COMMD10: variants seen among roughly 807,000 people sequenced by gnomAD.
The protein encoded by COMMD10 is COMM domain-containing protein 10.
In COMMD10, 33 loss-of-function variants were observed where a neutral mutation model predicts 28.9. That is an observed-to-expected ratio of 1.14 (90% CI 0.87 to 1.53). The LOEUF (loss-of-function observed/expected upper bound fraction) is 1.53, where lower values mean the gene tolerates loss of function less well. COMMD10 is among the 40% of genes most tolerant of loss of function. The pLI, the probability that COMMD10 is intolerant of heterozygous loss-of-function variation, is 0.00. For missense variants in COMMD10, 310 were observed against 233.4 expected, an observed-to-expected ratio of 1.33 and a Z score of -2.14; for synonymous variants, 110 against 81.7, an observed-to-expected ratio of 1.35 and a Z score of -1.87.
At chr5:116,201,709 C>G (rs1198519294) in intron 5 of COMMD10, among the ~76,000 whole-genome samples, 1 of 152,082 alleles carries the variant, frequency 6.6e-6, no homozygotes, top group Non-Finnish European at 1.5e-5. Context: ...CTTAATGTCA[C>G]AGACTGACAT....
At chr5:116,203,594 T>G (rs1292202461) in intron 5 of COMMD10, among the ~76,000 whole-genome samples, 1 of 151,940 alleles carries the variant, frequency 6.6e-6, no homozygotes, top group Non-Finnish European at 1.5e-5. Context: ...TTCAACATTC[T>G]TAAAGAAAAG....
At chr5:116,178,743 A>G (rs1192204531) in intron 5 of COMMD10, among the ~76,000 whole-genome samples, 1 of 152,092 alleles carries the variant, frequency 6.6e-6, no homozygotes, top group East Asian at 1.9e-4. Context: ...TAGCAGCATT[A>G]AGGAAAGTTG....
At chr5:116,125,625 G>A (rs1236096986) in intron 4 of COMMD10, among the ~76,000 whole-genome samples, 1 of 152,100 alleles carries the variant, frequency 6.6e-6, no homozygotes, top group South Asian at 2.1e-4. Context: ...AGTTCTCCTG[G>A]ATAATATCCT....
At chr5:116,156,416 A>G (rs1285957821) in intron 5 of COMMD10, among the ~76,000 whole-genome samples, 1 of 152,166 alleles carries the variant, frequency 6.6e-6, no homozygotes, top group Non-Finnish European at 1.5e-5. Context: ...AAAAGCATCT[A>G]TTACAGTACA....
At position 116,205,578 on chromosome 5, in the gene COMMD10, A is replaced by G. The variant is rs34688204; in HGVS notation, c.510+71400A>G. Among the ~76,000 whole-genome samples, 600 of 152,270 alleles carry G rather than the reference A, an allele frequency of 3.9e-3. 3 individuals carry two copies. Among genetic ancestry groups the G allele is most frequent in the Non-Finnish European group, 7.0e-3 (473 of 68,012 alleles). The stretch of plus-strand genomic sequence containing the variant: ...TATGTATATATACATGTGTGAATAC[A>G]TATATGGCTATAGATCTGTGTGTAT... On this transcript the variant is annotated intron_variant, in intron 5 of 6. Transcript: ENST00000274458.
At chr5:116,133,993 G>C (rs1051585069) in intron 4 of COMMD10, 75 bp from the exon 5 acceptor site, 12 of 862,896 alleles carry the variant, frequency 1.4e-5, no homozygotes, top group Non-Finnish European at 2.4e-5. Flanking sequence ...TTCCTGCTGA[G>C]TGGAGATTTG....
intron 5 of COMMD10, among the ~76,000 whole-genome samples, chr5:116,201,262 T>C (rs576352770): frequency 6.6e-6 from 1 of 152,306 alleles, no homozygotes; most frequent in South Asian, 2.1e-4. Flanking sequence ...ATTTTAAAAA[T>C]GGCGTGTCCT....
intron 5 of COMMD10, chr5:116,218,153 T>A: frequency 9.6e-7 from 1 of 1,041,990 alleles, no homozygotes; most frequent in Non-Finnish European, 1.5e-6. Context: ...CTTCTCTCCC[T>A]TCTTTGCAGG....
intron 5 of COMMD10, among the ~76,000 whole-genome samples, chr5:116,189,391 G>A (rs868508942): frequency 2.0e-5 from 3 of 152,166 alleles, no homozygotes; most frequent in Admixed American, 2.0e-4. Flanking sequence ...TGGTGGTGGT[G>A]CCACATTCTC....
At chr5:116,186,198 C>T (rs753334477) in intron 5 of COMMD10, among the ~76,000 whole-genome samples, 1 of 152,134 alleles carries the variant, frequency 6.6e-6, no homozygotes, top group Admixed American at 6.6e-5. Flanking sequence ...CTCTGTTTCT[C>T]ACCCCGCAGT....
Position 116,158,034 on chromosome 5 carries a change from C to T in COMMD10, c.510+23856C>T, listed in dbSNP as rs573405233. 2.6e-5 allele frequency among the ~76,000 whole-genome samples: 4 copies of T among 151,586 alleles called. No individual in the cohort carries two copies. The East Asian group carries it at 7.9e-4, about 30-fold the overall frequency. ...AAGTCTGTGTTACCTTTTGGGCTGC[C>T]ATTTCTTCTAGATCCTGGCCTGTAA... On this transcript the variant is annotated intron_variant, in intron 5 of 6. Transcript: ENST00000274458.
Position 116,236,470 on chromosome 5 carries a change from C to T in COMMD10, c.511-55047C>T, listed in dbSNP as rs371508644. On this transcript the variant is annotated intron_variant, in intron 5 of 6. Coordinates refer to ENST00000274458, the MANE Select transcript of COMMD10 (RefSeq NM_016144.4). ...GGTGTGCCGAGATCACACTACTGCA[C>T]TCTAGCCTGGGTGACAAGAGCAAGA... is the stretch of plus-strand genomic sequence containing the variant. Among the ~76,000 whole-genome samples, 343 of 143,300 alleles carry T rather than the reference C, an allele frequency of 2.4e-3. 2 individuals carry two copies. Among genetic ancestry groups the T allele is most frequent in the African/African-American group, 9.0e-3 (335 of 37,382 alleles). The allele number at this position is 143,300 out of a possible 152,430, so 94.0% of individuals were successfully genotyped here.
chr5:116,104,904 C>T (rs1005367550), intron 4 of COMMD10, among the ~76,000 whole-genome samples: 12 of 152,216 alleles, frequency 7.9e-5, no homozygotes, highest in African/African-American at 2.9e-4. Flanking sequence ...CAGGCGTGAG[C>T]CACCGCACCC....
At chr5:116,147,209 A>G (rs1015404710) in intron 5 of COMMD10, among the ~76,000 whole-genome samples, 7 of 151,892 alleles carry the variant, frequency 4.6e-5, no homozygotes, top group Non-Finnish European at 8.8e-5. Flanking sequence ...GGAACAGTCA[A>G]TTTTAGTTAC....
intron 5 of COMMD10, among the ~76,000 whole-genome samples, chr5:116,140,530 C>T (rs1257193612): frequency 6.6e-6 from 1 of 151,804 alleles, no homozygotes; most frequent in Non-Finnish European, 1.5e-5. Flanking sequence ...TACCAATTTA[C>T]ATTTCCACCA....
intron 5 of COMMD10, among the ~76,000 whole-genome samples, chr5:116,251,264 C>A (rs1419381763): frequency 8.2e-6 from 1 of 122,048 alleles, no homozygotes; most frequent in Admixed American, 9.2e-5. Context: ...AGACTCTTTT[C>A]TTTTTATTTA....
intron 5 of COMMD10, among the ~76,000 whole-genome samples, chr5:116,183,982 AATT>A (rs1748057834): frequency 6.6e-6 from 1 of 152,104 alleles, no homozygotes; most frequent in Admixed American, 6.6e-5. Flanking sequence ...TGTGGATTTT[AATT>A]ATTTTAATCA....
At chr5:116,085,800 A>G (rs1045959741) in intron 1 of COMMD10, among the ~76,000 whole-genome samples, 4 of 152,356 alleles carry the variant, frequency 2.6e-5, no homozygotes, top group South Asian at 2.1e-4. Context: ...TGAAGTATAT[A>G]GGCAAAATAG....
At chr5:116,172,665 T>A (rs1302327009) in intron 5 of COMMD10, among the ~76,000 whole-genome samples, 4 of 152,148 alleles carry the variant, frequency 2.6e-5, no homozygotes, top group Non-Finnish European at 5.9e-5. Flanking sequence ...AAAGTCATAC[T>A]CCAGGGTATC....
Sources: allele counts gnomAD v4.1 joint callset (sites outside exome capture counted in the v4.1 genomes callset), GRCh38; gene constraint gnomAD v4.1.1; transcripts MANE v1.5; gene names NCBI Gene and HGNC (gene_info 2026-07-23, HGNC 2026-07-21).